Variants in PCSK2 observed in about 807,000 individuals in gnomAD.
PCSK2 encodes the protein neuroendocrine convertase 2.
A neutral mutation model predicts 69.7 loss-of-function variants in PCSK2; 14 were observed. The observed-to-expected ratio is 0.20, with a 90% CI of 0.13 to 0.31. The LOEUF (loss-of-function observed/expected upper bound fraction) is 0.31. Ranked by LOEUF, PCSK2 falls within the 10% of genes least tolerant of loss-of-function variation. The probability of loss-of-function intolerance (pLI) is 1.00; values close to 1 mark genes in which losing one functional copy is unlikely to be tolerated. For missense variants in PCSK2, 544 were observed against 842.5 expected, an observed-to-expected ratio of 0.65 and a Z score of 4.39; for synonymous variants, 307 against 320.7, an observed-to-expected ratio of 0.96 and a Z score of 0.46.
chr20:17,416,206 G>A (rs534889045), intron 6 of PCSK2, among the ~76,000 whole-genome samples: 10 of 152,026 alleles, frequency 6.6e-5, no homozygotes, highest in Admixed American at 1.3e-4. Context: ...GCTTCTGCAC[G>A]GCAGAAGAAA....
At chr20:17,367,651 G>A (rs910158311) in intron 4 of PCSK2, among the ~76,000 whole-genome samples, 1 of 152,118 alleles carries the variant, frequency 6.6e-6, no homozygotes, top group South Asian at 2.1e-4. Context: ...TGTCTCCCAG[G>A]TTAGTGTGCA....
intron 2 of PCSK2, among the ~76,000 whole-genome samples, chr20:17,291,068 A>T (rs1354625277): frequency 2.6e-5 from 4 of 152,080 alleles, no homozygotes; most frequent in Admixed American, 2.6e-4. Context: ...ACCTGAGTTT[A>T]GGAGGGGACA....
chr20:17,400,108 T>C (rs1160073225), intron 5 of PCSK2, among the ~76,000 whole-genome samples: 1 of 152,226 alleles, frequency 6.6e-6, no homozygotes, highest in Admixed American at 6.5e-5. Flanking sequence ...TGTGCTCCCC[T>C]AGCTCTTTAG....
rs540996961 is a variant in PCSK2 at position 17,256,174 on chromosome 20, T to C, written c.178-4066T>C. 1.5e-4 allele frequency among the ~76,000 whole-genome samples: 23 copies of C among 152,302 alleles called. No individual in the cohort carries two copies. The Middle Eastern group carries it at 0.01, about 68-fold the overall frequency. On this transcript the variant is annotated intron_variant, in intron 1 of 11. Coordinates refer to ENST00000262545, the MANE Select transcript of PCSK2 (RefSeq NM_002594.5). Reference sequence around the variant, plus strand: ...TCTGATAAATTTTTAAATTCTGTTATGTACTTTTTAGCTCCAGAATTTCTG... The same window carrying C: ...TCTGATAAATTTTTAAATTCTGTTACGTACTTTTTAGCTCCAGAATTTCTG...
chr20:17,386,849 T>G (rs2031248759), intron 5 of PCSK2, among the ~76,000 whole-genome samples: 1 of 152,182 alleles, frequency 6.6e-6, no homozygotes, highest in Non-Finnish European at 1.5e-5. Flanking sequence ...CTTAAAAGAT[T>G]TCCTCCCAAC....
At chr20:17,454,781 A>C (rs1372933800) in intron 9 of PCSK2, among the ~76,000 whole-genome samples, 1 of 152,162 alleles carries the variant, frequency 6.6e-6, no homozygotes, top group Non-Finnish European at 1.5e-5. Flanking sequence ...AGGCTTCTTG[A>C]GACAGGAGGA....
Position 17,440,625 on chromosome 20 carries a change from C to T in PCSK2, c.885+3742C>T, listed in dbSNP as rs990276329. Among the ~76,000 whole-genome samples, 14 of 152,250 alleles carry T rather than the reference C, an allele frequency of 9.2e-5. No individual in the cohort carries two copies. The East Asian group carries it at 2.3e-3, about 25-fold the overall frequency. On this transcript the variant is annotated intron_variant, in intron 8 of 11. Coordinates refer to ENST00000262545, the MANE Select transcript of PCSK2 (RefSeq NM_002594.5). ...CCTGTAATCCCAACACTTTGGGGGG[C>T]TAAGGCGGGTGGATCACCTGAGGTC...
intron 6 of PCSK2, among the ~76,000 whole-genome samples, chr20:17,411,107 AG>A (rs2031861474): frequency 1.3e-5 from 2 of 152,196 alleles, no homozygotes; most frequent in Admixed American, 6.5e-5. Flanking sequence ...AAAAACTAAA[AG>A]GTTCCACTCC....
chr20:17,228,782 G>A (rs1986031177), intron 1 of PCSK2, among the ~76,000 whole-genome samples: 1 of 152,254 alleles, frequency 6.6e-6, no homozygotes, highest in Non-Finnish European at 1.5e-5. Flanking sequence ...GGCGTAGGCA[G>A]TACCGGAATT....
chr20:17,388,618 A>G (rs922863741), intron 5 of PCSK2, among the ~76,000 whole-genome samples: 11 of 152,238 alleles, frequency 7.2e-5, no homozygotes, highest in Non-Finnish European at 2.9e-5. Flanking sequence ...TAGGCACCTC[A>G]TAAGTTCAGG....
At chr20:17,387,427 T>A (rs770559338) in intron 5 of PCSK2, among the ~76,000 whole-genome samples, 1 of 152,306 alleles carries the variant, frequency 6.6e-6, no homozygotes, top group Middle Eastern at 3.4e-3. Context: ...ATGTTGGCCA[T>A]GACTGCAGTC....
intron 2 of PCSK2, among the ~76,000 whole-genome samples, chr20:17,315,456 C>G (rs1012448150): frequency 1.2e-4 from 19 of 152,214 alleles, no homozygotes; most frequent in Admixed American, 6.5e-4. Context: ...CACTCTCTGG[C>G]CCTCCAGAGG....
rs187083037 is a variant in PCSK2, at chr20:17,258,211, G to A, written c.178-2029G>A. The stretch of plus-strand genomic sequence containing the variant: ...TGTGAGGTTGTTCATGTTCAAAGAT[G>A]CTGCAGAGCTATGAAGAAGAGGATG... On this transcript the variant is annotated intron_variant, in intron 1 of 11. Transcript: ENST00000262545. Among the ~76,000 whole-genome samples the A allele has an allele frequency of 2.2e-4, 34 of 152,310 alleles. No homozygotes were observed. In the East Asian group the frequency reaches 4.8e-3, roughly 22 times the overall value.
intron 7 of PCSK2, among the ~76,000 whole-genome samples, chr20:17,435,441 C>T (rs187408496): frequency 0.014 from 2,119 of 152,266 alleles, 15 homozygotes; most frequent in Non-Finnish European, 0.02. Flanking sequence ...GTGAGATCCT[C>T]GAGTCTCCTG....
rs555803739 is a variant in PCSK2 at position 17,287,154 on chromosome 20, TA to T, written c.282+26822del. Among the ~76,000 whole-genome samples the T allele has an allele frequency of 3.9e-3, 565 of 146,268 alleles. 2 individuals are homozygous for T. Among genetic ancestry groups the T allele is most frequent in the East Asian group, 0.032 (160 of 4,990 alleles). ...TGCTCACTTAAATGTTAATCACATC[TA>T]AAAAAAAAAAATACCTTCACAGCAA... On this transcript the variant is annotated intron_variant, in intron 2 of 11. Coordinates refer to ENST00000262545, the MANE Select transcript of PCSK2 (RefSeq NM_002594.5).
At chr20:17,255,058 A>T (rs573931010) in intron 1 of PCSK2, among the ~76,000 whole-genome samples, 1 of 152,084 alleles carries the variant, frequency 6.6e-6, no homozygotes, top group Non-Finnish European at 1.5e-5. Context: ...AATTCTAATA[A>T]TTTTTCTGGA....
chr20:17,303,306 T>C (rs1403421212), intron 2 of PCSK2, among the ~76,000 whole-genome samples: 4 of 137,898 alleles, frequency 2.9e-5, no homozygotes, highest in African/African-American at 1.1e-4. Context: ...TATATATTAC[T>C]ATATTATAAC....
chr20:17,246,312 A>G (rs900415046), intron 1 of PCSK2, among the ~76,000 whole-genome samples: 5 of 152,204 alleles, frequency 3.3e-5, no homozygotes, highest in African/African-American at 1.2e-4. Context: ...CCTATAAGCA[A>G]GAACTATTTC....
intron 1 of PCSK2, among the ~76,000 whole-genome samples, chr20:17,241,959 G>T (rs533225514): frequency 6.6e-6 from 1 of 152,168 alleles, no homozygotes; most frequent in Non-Finnish European, 1.5e-5. Context: ...TAGAAAGAAA[G>T]TTTGTGAGTG....
Sources: gnomAD v4.1 joint callset for allele counts (sites outside exome capture counted in the v4.1 genomes callset) on GRCh38, gnomAD v4.1.1 for gene constraint, MANE v1.5 for transcripts, NCBI Gene and HGNC (gene_info 2026-07-23, HGNC 2026-07-21) for gene names.